TRIP11: variants seen among roughly 807,000 people sequenced by gnomAD.
The protein encoded by TRIP11 is thyroid receptor-interacting protein 11.
TRIP11 carries 148 observed loss-of-function variants against 223.1 expected under a neutral mutation model. That is an observed-to-expected ratio of 0.66 (90% confidence interval 0.58 to 0.76). The LOEUF is 0.76. Among genes scored for constraint, TRIP11 ranks in the 30% least tolerant of loss-of-function variants. The pLI is 0.00. For synonymous variants in TRIP11, 762 were observed against 772.6 expected (o/e 0.99, Z 0.23); for missense variants, 2,043 against 2,222.0 (o/e 0.92, Z 1.62).
At chr14:92,036,436 C>T in intron 1 of TRIP11, among the ~76,000 whole-genome samples, 1 of 152,166 alleles carries the variant, frequency 6.6e-6, no homozygotes, top group Non-Finnish European at 1.5e-5. Context: ...CCCTATTCAA[C>T]ATATAAGGAA....
chr14:92,017,543 C>T, intron 5 of TRIP11, 139 bp downstream of exon 5: 1 of 689,848 alleles, frequency 1.4e-6, no homozygotes, highest in Non-Finnish European at 2.4e-6. Context: ...GAGATCCTAT[C>T]TCTAAAAGAA....
chr14:91,988,792 C>G (rs1389847615), intron 15 of TRIP11, among the ~76,000 whole-genome samples: 1 of 152,048 alleles, frequency 6.6e-6, no homozygotes. Context: ...TTTCCCTGAC[C>G]ACTACTAGTG....
chr14:91,995,563 C>T, intron 13 of TRIP11, 48 bp from the exon 14 acceptor site: 1 of 1,600,838 alleles, frequency 6.2e-7, no homozygotes, highest in South Asian at 1.1e-5. Flanking sequence ...TATTTAGATA[C>T]TTTAACAAGA....
intron 16 of TRIP11, among the ~76,000 whole-genome samples, chr14:91,984,670 A>G (rs897842190): frequency 1.3e-5 from 2 of 152,192 alleles, no homozygotes; most frequent in Non-Finnish European, 2.9e-5. Context: ...GAGAACAAGA[A>G]GGAAAGGAAA....
chr14:92,032,701 C>T (rs1357403272), intron 2 of TRIP11, among the ~76,000 whole-genome samples: 6 of 151,782 alleles, frequency 4.0e-5, no homozygotes, highest in African/African-American at 7.3e-5. Flanking sequence ...GGTGTGGTAG[C>T]GTGCACCTGT....
intron 2 of TRIP11, among the ~76,000 whole-genome samples, chr14:92,032,240 C>T (rs1162192178): frequency 6.6e-6 from 1 of 152,084 alleles, no homozygotes; most frequent in Non-Finnish European, 1.5e-5. Flanking sequence ...CTCCGCCTCC[C>T]AGTTTCCAGC....
intron 4 of TRIP11, among the ~76,000 whole-genome samples, chr14:92,019,227 C>A (rs560126078): frequency 1.3e-5 from 2 of 152,168 alleles, no homozygotes; most frequent in East Asian, 3.9e-4. Flanking sequence ...AATGAACACA[C>A]CAAAAACCAT....
rs2056351596 is a variant in TRIP11, at chr14:91,967,311, G to C, written c.*2362C>G. ...CTGCCACCATGCCCAGCTAATTTTT[G>C]TATTTTTAGTAGAGATGGGGTTTCA... is the stretch of plus-strand genomic sequence containing the variant. On this transcript the variant is annotated 3_prime_UTR_variant, in exon 21 of 21. Transcript: ENST00000267622. 5.8e-6 allele frequency: 1 copy of C among 173,320 alleles called. No homozygotes were observed. The highest frequency in any genetic ancestry group is 2.4e-5 in the African/African-American group (1 of 41,880). 10.7% of individuals were successfully genotyped at this position (173,320 alleles called of 1,614,324 possible). A position where few individuals can be genotyped will look rare whatever the true frequency, so the allele number is the denominator to read the frequency against.
rs774771827 is a variant in TRIP11, at chr14:92,000,124, A to C, written c.4558-16T>G. 6.2e-7 allele frequency: 1 copy of C among 1,613,538 alleles called. No homozygotes were observed. The highest frequency in any genetic ancestry group is 8.5e-7 in the Non-Finnish European group (1 of 1,179,902). ...CAGTCTTGCCCTTTTGGAAAGAAAA[A>C]ATTTTAGCTTTAAAAAACACACACA... On this transcript the variant is annotated splice_polypyrimidine_tract_variant and intron_variant, in intron 11 of 20. Coordinates refer to ENST00000267622, the MANE Select transcript of TRIP11 (RefSeq NM_004239.4).
At chr14:92,011,934 A>G (rs2056978656) in intron 7 of TRIP11, 139 bp from the exon 8 acceptor site, 2 of 711,040 alleles carry the variant, frequency 2.8e-6, no homozygotes, top group Non-Finnish European at 4.8e-6. Flanking sequence ...AGTGAAACAT[A>G]TATTTGTATT....
intron 16 of TRIP11, 68 bp downstream of exon 16, chr14:91,988,216 G>A (rs2056626082): frequency 7.7e-7 from 1 of 1,292,092 alleles, no homozygotes; most frequent in Non-Finnish European, 1.1e-6. Flanking sequence ...GCCAATTTAT[G>A]ACAGAAGACT....
chr14:91,982,579 A>G (rs1326500981), intron 16 of TRIP11, among the ~76,000 whole-genome samples: 1 of 152,216 alleles, frequency 6.6e-6, no homozygotes, highest in Non-Finnish European at 1.5e-5. Context: ...ATAAACCTAT[A>G]CAAGTAACCC....
rs758057014 is a variant in TRIP11 at position 91,976,209 on chromosome 14, TA to T, written c.5261-21del. ...GCTCATCTGTTGTAAAATATGTGAA[TA>T]AAGATAGCCATTAACTGATTAAAAT... On this transcript the variant is annotated intron_variant, in intron 16 of 20. Transcript: ENST00000267622. 3.1e-6 allele frequency: 5 copies of T among 1,602,888 alleles called. No individual in the cohort carries two copies. In the African/African-American group the frequency reaches 5.3e-5, roughly 17 times the overall value.
intron 16 of TRIP11, among the ~76,000 whole-genome samples, chr14:91,983,845 T>C (rs2056572573): frequency 6.6e-6 from 1 of 152,224 alleles, no homozygotes; most frequent in Non-Finnish European, 1.5e-5. Context: ...GTATAAATCA[T>C]GTCCTGGAAA....
rs117748213 is a variant in TRIP11, at chr14:92,003,837, G to A, written c.4139C>T (p.Thr1380Ile). The change falls in exon 11 of 21, where the codon ACC becomes ATC. Residue 1380 changes from threonine (T) to isoleucine (I), a missense_variant. Transcript: ENST00000267622. ...GTGTTCTTTTCTTTCTAGCTCTGAG[G>A]TGGCAGCAATCGAATCAGACAATCT... Reference protein sequence around the residue: ...NHRLSDSIAATSELERKEHEQ... With the variant: ...NHRLSDSIAAISELERKEHEQ... The A allele has an allele frequency of 3.7e-4, 602 of 1,614,036 alleles. 5 individuals are homozygous for A. The East Asian group carries it at 0.011, about 29-fold the overall frequency.
In TRIP11 at chr14:92,006,355, T is replaced by C. The variant is rs1408690763; in HGVS notation, c.1621A>G (p.Lys541Glu). Residue 541 changes from lysine (K) to glutamate (E), a missense_variant, in exon 11 of 21, where the codon AAG becomes GAG. Transcript: ENST00000267622. ...TCATCTTCAAGTTGATGAACTCTCTTTTTTTCATCATTTAGATCTTGTTTC... is the reference window on the plus strand; with the variant it reads ...TCATCTTCAAGTTGATGAACTCTCTCTTTTTCATCATTTAGATCTTGTTTC... ...KLKQDLNDEKKRVHQLEDDKM... is the reference protein window; with the variant it reads ...KLKQDLNDEKERVHQLEDDKM... 3 of 1,612,196 alleles carry C rather than the reference T, an allele frequency of 1.9e-6. No individual in the cohort carries two copies. The highest frequency in any genetic ancestry group is 4.5e-5 in the East Asian group (2 of 44,720).
At chr14:92,034,993 AC>A (rs1595415652) in intron 1 of TRIP11, among the ~76,000 whole-genome samples, 2 of 151,184 alleles carry the variant, frequency 1.3e-5, no homozygotes, top group East Asian at 3.9e-4. Flanking sequence ...TCAACATGGC[AC>A]CACTAATGCT....
At position 92,005,320 on chromosome 14, in the gene TRIP11, T is replaced by G. The variant is rs761485946; in HGVS notation, c.2656A>C (p.Lys886Gln). The G allele has an allele frequency of 6.2e-7, 1 of 1,614,202 alleles. No homozygotes were observed. Among genetic ancestry groups the G allele is most frequent in the Non-Finnish European group, 8.5e-7 (1 of 1,180,016 alleles). ...AGTTCAGTAACACTATCAAGGGTTT[T>G]AGGGTCAGCCACAGGTGCGGTTCGA... ...QSRTAPVADP[K>Q]TLDSVTELAS... The change falls in exon 11 of 21, where the codon AAA (lysine) becomes CAA (glutamine). Residue 886 changes from lysine to glutamine, a missense_variant. Coordinates refer to ENST00000267622, the MANE Select transcript of TRIP11 (RefSeq NM_004239.4).
At chr14:92,034,325 AG>A (rs2057300428) in intron 1 of TRIP11, among the ~76,000 whole-genome samples, 1 of 151,898 alleles carries the variant, frequency 6.6e-6, no homozygotes, top group Non-Finnish European at 1.5e-5. Flanking sequence ...CAGGAGGCTG[AG>A]GCAGGAGAAT....
Sources: gnomAD v4.1 joint callset for allele counts (sites outside exome capture counted in the v4.1 genomes callset) on GRCh38, gnomAD v4.1.1 for gene constraint, MANE v1.5 for transcripts, NCBI Gene and HGNC (gene_info 2026-07-23, HGNC 2026-07-21) for gene names.